The following PDE4D variants were observed in gnomAD, a reference collection of about 807,000 sequenced individuals.
PDE4D encodes phosphodiesterase 4D.
In PDE4D, 24 loss-of-function variants were observed where a neutral mutation model predicts 87.4. The ratio of observed to expected loss-of-function variants is 0.27; its 90% CI spans 0.20 to 0.39. The LOEUF (loss-of-function observed/expected upper bound fraction) is 0.39, where lower values mean the gene tolerates loss of function less well. PDE4D is among the 10% of genes least tolerant of loss of function. The pLI is 1.00. For missense variants in PDE4D, 714 were observed against 1,041.0 expected (o/e 0.69, Z 4.32); for synonymous variants, 384 against 383.2 (o/e 1.00, Z -0.02).
At chr5:60,204,470 T>C (rs771361231) in intron 1 of PDE4D, among the ~76,000 whole-genome samples, 2 of 151,246 alleles carry the variant, frequency 1.3e-5, no homozygotes, top group African/African-American at 2.4e-5. Context: ...CAGATATTTG[T>C]TGAGTGGCAG....
chr5:59,288,655 A>C (rs913682210), intron 1 of PDE4D, among the ~76,000 whole-genome samples: 1 of 152,138 alleles, frequency 6.6e-6, no homozygotes, highest in African/African-American at 2.4e-5. Flanking sequence ...AAGGCATTCA[A>C]TACTCAAACT....
chr5:59,337,328 C>T (rs1261380137), intron 1 of PDE4D, among the ~76,000 whole-genome samples: 2 of 145,410 alleles, frequency 1.4e-5, no homozygotes, highest in Non-Finnish European at 3.0e-5. Flanking sequence ...TAAGTTCCCC[C>T]CCCCCCACCT....
At chr5:60,034,493 G>T (rs923353842) in intron 2 of PDE4D, among the ~76,000 whole-genome samples, 2 of 152,060 alleles carry the variant, frequency 1.3e-5, no homozygotes, top group Non-Finnish European at 2.9e-5. Context: ...TTCTGCCTTT[G>T]ACCTTCCTGC....
chr5:59,592,097 GA>G lies in PDE4D; in HGVS notation c.455+301070del, dbSNP rs1183390157. The G allele has an allele frequency of 4.1e-6, 4 of 983,252 alleles. No individual in the cohort carries two copies. The African/African-American group carries it at 7.0e-5, about 17-fold the overall frequency. The allele number at this position is 983,252 out of a possible 1,614,324, so 60.9% of individuals were successfully genotyped here. On this transcript the variant is annotated intron_variant, in intron 1 of 14. Coordinates refer to ENST00000340635, the MANE Select transcript of PDE4D (RefSeq NM_001104631.2). Reference sequence around the variant, plus strand: ...TGCTTCCAACCCCACCTCCCAGCAAGAAAAGAACATTCAAGACCAAATTCTC... The same window carrying G: ...TGCTTCCAACCCCACCTCCCAGCAAGAAAGAACATTCAAGACCAAATTCTC...
intron 6 of PDE4D, among the ~76,000 whole-genome samples, chr5:59,004,585 C>T (rs1415635511): frequency 6.6e-6 from 1 of 152,198 alleles, no homozygotes; most frequent in Non-Finnish European, 1.5e-5. Context: ...TCACAATATA[C>T]ACTATTGCTG....
chr5:59,922,147 G>T (rs1013199219), intron 3 of PDE4D, among the ~76,000 whole-genome samples: 3 of 152,156 alleles, frequency 2.0e-5, no homozygotes, highest in African/African-American at 4.8e-5. Context: ...AGTGGAGGGA[G>T]AATATAGACC....
At chr5:59,601,339 C>A (rs1827478271) in intron 1 of PDE4D, among the ~76,000 whole-genome samples, 1 of 151,826 alleles carries the variant, frequency 6.6e-6, no homozygotes, top group Admixed American at 6.6e-5. Context: ...AGAACTAATC[C>A]TCTTCCCGTG....
Position 59,178,614 on chromosome 5 carries a change from G to A in PDE4D, c.808+1981C>T, listed in dbSNP as rs76544448. Among the ~76,000 whole-genome samples the A allele has an allele frequency of 6.4e-3, 967 of 152,230 alleles. 14 individuals are homozygous for A. The highest frequency in any genetic ancestry group is 0.021 in the African/African-American group (852 of 41,522). On this transcript the variant is annotated intron_variant, in intron 5 of 14. Coordinates refer to ENST00000340635, the MANE Select transcript of PDE4D (RefSeq NM_001104631.2). ...ATCTGTGCCTGGCATCTGCTGGGAT[G>A]GCTGGGCAGCTGCCCTGACCACTGA...
At chr5:60,013,953 C>T (rs927320477) in intron 2 of PDE4D, among the ~76,000 whole-genome samples, 2 of 151,810 alleles carry the variant, frequency 1.3e-5, no homozygotes, top group Non-Finnish European at 2.9e-5. Context: ...ATTAGCTGGG[C>T]ATGGTGGTGC....
At chr5:60,027,320 G>A (rs1284606732) in intron 2 of PDE4D, among the ~76,000 whole-genome samples, 1 of 152,124 alleles carries the variant, frequency 6.6e-6, no homozygotes, top group Non-Finnish European at 1.5e-5. Flanking sequence ...GTGAGAACAT[G>A]AGGTATTTGG....
intron 1 of PDE4D, among the ~76,000 whole-genome samples, chr5:60,380,242 G>A (rs1761754634): frequency 6.6e-6 from 1 of 152,180 alleles, no homozygotes; most frequent in Non-Finnish European, 1.5e-5. Context: ...ATAGATTAGT[G>A]TATCCTAGCT....
intron 1 of PDE4D, among the ~76,000 whole-genome samples, chr5:59,514,727 GT>G (rs1270708068): frequency 6.6e-6 from 1 of 152,162 alleles, no homozygotes; most frequent in Non-Finnish European, 1.5e-5. Flanking sequence ...CTTTGGGCTA[GT>G]TATTTAACCT....
chr5:59,459,985 G>C (rs567525886), intron 1 of PDE4D, among the ~76,000 whole-genome samples: 1 of 152,230 alleles, frequency 6.6e-6, no homozygotes, highest in African/African-American at 2.4e-5. Flanking sequence ...CTAGCCATCA[G>C]TATAAGGAGG....
chr5:59,211,487 G>T (rs1003980729), intron 2 of PDE4D, among the ~76,000 whole-genome samples: 2 of 151,956 alleles, frequency 1.3e-5, no homozygotes, highest in African/African-American at 4.8e-5. Context: ...AATGAATTTG[G>T]TCAACAATTA....
chr5:59,639,812 A>AATGTGT (rs1741239164), intron 1 of PDE4D, among the ~76,000 whole-genome samples: 1 of 143,622 alleles, frequency 7.0e-6, no homozygotes, highest in African/African-American at 2.6e-5. Flanking sequence ...TAGTGTCTAT[A>AATGTGT]GTGTGTGTGT....
intron 1 of PDE4D, among the ~76,000 whole-genome samples, chr5:59,473,410 A>G (rs1157147627): frequency 6.6e-6 from 1 of 152,164 alleles, no homozygotes; most frequent in East Asian, 1.9e-4. Flanking sequence ...AATTATATCT[A>G]AAGCCTGTAC....
intron 6 of PDE4D, among the ~76,000 whole-genome samples, chr5:59,025,817 A>G (rs1756113119): frequency 6.6e-6 from 1 of 152,224 alleles, no homozygotes; most frequent in Admixed American, 6.5e-5. Flanking sequence ...CCTCTTTGCT[A>G]TGGACACATC....
At chr5:60,310,843 G>A (rs923209975) in intron 1 of PDE4D, among the ~76,000 whole-genome samples, 1 of 152,112 alleles carries the variant, frequency 6.6e-6, no homozygotes, top group Non-Finnish European at 1.5e-5. Flanking sequence ...TTTTGTACAA[G>A]TATGTTCCCT....
chr5:60,086,978 A>T (rs964094878), intron 2 of PDE4D, among the ~76,000 whole-genome samples: 2 of 152,214 alleles, frequency 1.3e-5, no homozygotes, highest in Admixed American at 1.3e-4. Context: ...TATAAATCCC[A>T]GGTGGAGCTT....
Sources: allele counts gnomAD v4.1 joint callset (sites outside exome capture counted in the v4.1 genomes callset), GRCh38; gene constraint gnomAD v4.1.1; transcripts MANE v1.5; gene names NCBI Gene and HGNC (gene_info 2026-07-23, HGNC 2026-07-21).